COLQ: variants seen among roughly 807,000 people sequenced by gnomAD.
COLQ encodes collagen like tail subunit of asymmetric acetylcholinesterase.
Under a neutral mutation model 69.0 loss-of-function variants are expected in COLQ, and 48 were observed. The observed-to-expected ratio is 0.70, with a 90% CI of 0.55 to 0.88. The LOEUF (loss-of-function observed/expected upper bound fraction) is 0.88. Ranked by LOEUF, COLQ falls within the 40% of genes least tolerant of loss-of-function variation. COLQ has a pLI of 0.00. For missense variants in COLQ, 618 were observed against 594.6 expected (o/e 1.04, Z -0.41); for synonymous variants, 217 against 211.2 (o/e 1.03, Z -0.24).
chr3:15,505,400 A>T (rs2062895536), intron 1 of COLQ, among the ~76,000 whole-genome samples: 1 of 152,214 alleles, frequency 6.6e-6, no homozygotes, highest in Admixed American at 6.5e-5. Flanking sequence ...TATCAAAAAT[A>T]CCTCCTTTGC....
intron 10 of COLQ, 147 bp from the exon 11 acceptor site, chr3:15,470,763 G>C (rs1396936098): frequency 5.2e-6 from 4 of 762,998 alleles, no homozygotes; most frequent in Non-Finnish European, 9.5e-6. Context: ...AAGGTTAGCA[G>C]AGTGAGGAAG....
intron 12 of COLQ, among the ~76,000 whole-genome samples, chr3:15,459,255 G>T (rs902329931): frequency 2.6e-5 from 4 of 152,150 alleles, no homozygotes; most frequent in African/African-American, 9.7e-5. Flanking sequence ...TGGTGCTGAA[G>T]AAGTGAGGAC....
Position 15,458,184 on chromosome 3 carries a change from AC to A in COLQ, c.954+1del. 6.2e-7 allele frequency: 1 copy of A among 1,613,438 alleles called. No homozygotes were observed. The highest frequency in any genetic ancestry group is 8.5e-7 in the Non-Finnish European group (1 of 1,180,030). ...CCCCAGACTTCTCCCAGAAAGCCTT[AC>A]CACAGGAACTCGCGGGGAACTGGGC... On this transcript the variant is annotated splice_donor_variant, in intron 13 of 16. Transcript: ENST00000383788. LOFTEE classifies it high-confidence loss of function.
Position 15,456,012 on chromosome 3 carries a change from G to A in COLQ, c.1082C>T (p.Pro361Leu), listed in dbSNP as rs1287383267. 6.2e-7 allele frequency: 1 copy of A among 1,613,790 alleles called. No homozygotes were observed. Among genetic ancestry groups the A allele is most frequent in the East Asian group, 2.2e-5 (1 of 44,870 alleles). Residue 361 changes from proline (P) to leucine (L), a missense_variant, in exon 15 of 17, where the codon CCT (proline) becomes CTT (leucine). Transcript: ENST00000383788. Reference protein sequence around the residue: ...SLGWLPIQLTPFYPVDYTADQ... With the variant: ...SLGWLPIQLTLFYPVDYTADQ... ...TGCAGTGTAATCCACAGGGTAGAAA[G>A]GGGTCAGCTGGCCAAAGAAGCACAC... is the stretch of plus-strand genomic sequence containing the variant.
chr3:15,485,341 G>A (rs1026275114), intron 3 of COLQ, among the ~76,000 whole-genome samples: 4 of 152,188 alleles, frequency 2.6e-5, no homozygotes, highest in Non-Finnish European at 5.9e-5. Flanking sequence ...GGCTACTTGG[G>A]GGTCAGGGTC....
chr3:15,477,256 A>C, intron 5 of COLQ, 59 bp from the exon 6 acceptor site: 2 of 1,475,660 alleles, frequency 1.4e-6, no homozygotes, highest in Non-Finnish European at 1.9e-6. Context: ...CTTCTAATAA[A>C]TATGTTTTGT....
At chr3:15,466,492 G>T (rs1051118738) in intron 11 of COLQ, 55 bp from the exon 12 acceptor site, 2 of 1,458,912 alleles carry the variant, frequency 1.4e-6, no homozygotes, top group Non-Finnish European at 1.9e-6. Context: ...CAAGCTTCCC[G>T]CCCCATTTAT....
At chr3:15,498,736 C>G in intron 1 of COLQ, 10 of 1,535,554 alleles carry the variant, frequency 6.5e-6, no homozygotes, top group South Asian at 3.6e-5. Context: ...TGCTTCTGCT[C>G]CAGATGCCAG....
At chr3:15,471,925 CG>C (rs530337467) in intron 10 of COLQ, among the ~76,000 whole-genome samples, 118 of 150,646 alleles carry the variant, frequency 7.8e-4, no homozygotes, top group African/African-American at 2.4e-3. Flanking sequence ...TAGAGAGGCT[CG>C]GGGATGTCTT....
chr3:15,486,683 C>G (rs2062580680), intron 3 of COLQ, among the ~76,000 whole-genome samples: 1 of 152,214 alleles, frequency 6.6e-6, no homozygotes, highest in Non-Finnish European at 1.5e-5. Context: ...CCAAGCTTTT[C>G]TGTGGCAGCC....
intron 1 of COLQ, among the ~76,000 whole-genome samples, chr3:15,518,828 C>T (rs1050474078): frequency 5.3e-5 from 8 of 152,154 alleles, no homozygotes; most frequent in African/African-American, 1.9e-4. Flanking sequence ...CTCCGTGTCC[C>T]TTGAAGCACA....
intron 3 of COLQ, among the ~76,000 whole-genome samples, chr3:15,479,747 C>G (rs1410252670): frequency 6.6e-6 from 1 of 152,126 alleles, no homozygotes; most frequent in Non-Finnish European, 1.5e-5. Flanking sequence ...GCTTCATCAC[C>G]TCTCATATCT....
intron 1 of COLQ, among the ~76,000 whole-genome samples, chr3:15,501,190 G>T (rs1323776131): frequency 6.6e-6 from 1 of 152,166 alleles, no homozygotes; most frequent in Admixed American, 6.5e-5. Flanking sequence ...CTGTCAGCAG[G>T]TGTCACATTC....
intron 1 of COLQ, among the ~76,000 whole-genome samples, chr3:15,495,496 T>C (rs1425337005): frequency 2.6e-5 from 4 of 152,210 alleles, no homozygotes; most frequent in South Asian, 2.1e-4. Flanking sequence ...TTAGCAAGGA[T>C]AGGAGAATGT....
intron 13 of COLQ, among the ~76,000 whole-genome samples, chr3:15,457,076 G>A (rs777589810): frequency 6.6e-6 from 1 of 151,968 alleles, no homozygotes; most frequent in Non-Finnish European, 1.5e-5. Flanking sequence ...CACCCACCTC[G>A]GCCTCCCAAA....
intron 1 of COLQ, 144 bp downstream of exon 1, chr3:15,521,376 G>T: frequency 9.4e-7 from 1 of 1,061,022 alleles, no homozygotes; most frequent in Non-Finnish European, 1.4e-6. Flanking sequence ...GTGACAGGAA[G>T]CTGCTGGGGT....
intron 10 of COLQ, among the ~76,000 whole-genome samples, chr3:15,470,905 AATC>A (rs1317902663): frequency 2.6e-5 from 4 of 152,172 alleles, no homozygotes; most frequent in South Asian, 4.1e-4. Flanking sequence ...AGAAGAGACA[AATC>A]ATCACCCAGA....
intron 4 of COLQ, 114 bp downstream of exon 4, chr3:15,479,224 A>G: frequency 2.4e-6 from 3 of 1,245,032 alleles, no homozygotes; most frequent in Non-Finnish European, 3.6e-6. Context: ...CCTCTCACCA[A>G]GGCAGAGTTA....
At chr3:15,463,207 T>TA (rs1447988407) in intron 12 of COLQ, among the ~76,000 whole-genome samples, 10 of 152,020 alleles carry the variant, frequency 6.6e-5, no homozygotes, top group Non-Finnish European at 7.4e-5. Context: ...TACAAAGAGA[T>TA]AAACACAGTG....
Sources: allele counts gnomAD v4.1 joint callset (sites outside exome capture counted in the v4.1 genomes callset), GRCh38; gene constraint gnomAD v4.1.1; transcripts MANE v1.5; gene names NCBI Gene and HGNC (gene_info 2026-07-23, HGNC 2026-07-21).